The following CSMD1 variants were observed in gnomAD, a reference collection of about 807,000 sequenced individuals.
CSMD1 encodes the protein CUB and Sushi multiple domains 1, also known as CUB and sushi domain-containing protein 1.
A neutral mutation model predicts 417.5 loss-of-function variants in CSMD1; 213 were observed. The ratio of observed to expected loss-of-function variants is 0.51; its 90% confidence interval spans 0.46 to 0.57. The LOEUF is 0.57. Among genes scored for constraint, CSMD1 ranks in the 20% least tolerant of loss-of-function variants. The pLI, the probability that CSMD1 is intolerant of heterozygous loss-of-function variation, is 0.00. For missense variants in CSMD1, 6,923 were observed against 4,529.7 expected (o/e 1.53, Z -15.17); for synonymous variants, 2,862 against 1,736.8 (o/e 1.65, Z -16.11).
chr8:3,962,008 T>A (rs1368719651), intron 5 of CSMD1, among the ~76,000 whole-genome samples: 3 of 152,168 alleles, frequency 2.0e-5, no homozygotes, highest in African/African-American at 7.2e-5. Flanking sequence ...AAGACATGCG[T>A]GCTTGTGTCA....
intron 23 of CSMD1, 99 bp from the exon 24 acceptor site, chr8:3,308,602 G>GGT (rs1292249572): frequency 1.1e-6 from 1 of 896,406 alleles, no homozygotes; most frequent in Non-Finnish European, 1.7e-6. Context: ...CTCCTTGAAG[G>GGT]GTAGGGAGAA....
intron 2 of CSMD1, among the ~76,000 whole-genome samples, chr8:4,539,144 G>C (rs1056284812): frequency 6.6e-6 from 1 of 152,100 alleles, no homozygotes; most frequent in African/African-American, 2.4e-5. Context: ...GCTAAAAATG[G>C]ATTTTTTTGT....
intron 51 of CSMD1, among the ~76,000 whole-genome samples, chr8:3,024,140 T>C (rs542938856): frequency 6.6e-6 from 1 of 152,178 alleles, no homozygotes; most frequent in South Asian, 2.1e-4. Context: ...GTGGTGTGTG[T>C]GTGTGTGTAT....
chr8:3,981,872 T>C (rs1813898025), intron 5 of CSMD1, among the ~76,000 whole-genome samples: 1 of 152,088 alleles, frequency 6.6e-6, no homozygotes, highest in South Asian at 2.1e-4. Context: ...TGCAGCTTTA[T>C]CTGTGAAGTT....
chr8:2,954,163 G>A (rs768053902), intron 65 of CSMD1, 61 bp downstream of exon 65: 3 of 898,098 alleles, frequency 3.3e-6, no homozygotes, highest in South Asian at 1.7e-5. Context: ...GTTTCACTGT[G>A]CAGAGTAGAG....
chr8:4,684,521 G>T (rs999458303), intron 1 of CSMD1, among the ~76,000 whole-genome samples: 2 of 152,054 alleles, frequency 1.3e-5, no homozygotes, highest in East Asian at 1.9e-4. Context: ...ATAAATCTCT[G>T]TTTTCAAAAA....
rs555893740 is a variant in CSMD1 at position 3,888,072 on chromosome 8, C to G, written c.818+109831G>C. On this transcript the variant is annotated intron_variant, in intron 5 of 69. Transcript: ENST00000635120. ...ATTGGAAAATACTGTACAGTTATCACTTTTCTGCAATATCATTAATTAAAA... is the reference window on the plus strand; with the variant it reads ...ATTGGAAAATACTGTACAGTTATCAGTTTTCTGCAATATCATTAATTAAAA... 2.6e-5 allele frequency among the ~76,000 whole-genome samples: 4 copies of G among 152,306 alleles called. No homozygotes were observed. The East Asian group carries it at 7.7e-4, about 29-fold the overall frequency.
At chr8:4,355,732 T>C (rs1011621241) in intron 3 of CSMD1, among the ~76,000 whole-genome samples, 6 of 152,190 alleles carry the variant, frequency 3.9e-5, no homozygotes, top group African/African-American at 1.4e-4. Context: ...GCATCTTTAT[T>C]CATTTTCCCC....
chr8:4,400,790 CTA>C (rs1423248476), intron 3 of CSMD1, among the ~76,000 whole-genome samples: 1 of 136,928 alleles, frequency 7.3e-6, no homozygotes, highest in Non-Finnish European at 1.5e-5. Flanking sequence ...TTTTAAAAAA[CTA>C]TTGATGAGCT....
At chr8:4,340,487 A>G (rs986827468) in intron 3 of CSMD1, among the ~76,000 whole-genome samples, 1 of 152,088 alleles carries the variant, frequency 6.6e-6, no homozygotes, top group Non-Finnish European at 1.5e-5. Context: ...TGAACTCCTC[A>G]TGGTCGAGTC....
chr8:4,520,259 G>A (rs1448960049), intron 2 of CSMD1, among the ~76,000 whole-genome samples: 1 of 152,068 alleles, frequency 6.6e-6, no homozygotes, highest in African/African-American at 2.4e-5. Flanking sequence ...ATTTCACATG[G>A]ACATAGTTGC....
chr8:4,390,234 T>G (rs1394255133), intron 3 of CSMD1, among the ~76,000 whole-genome samples: 1 of 152,170 alleles, frequency 6.6e-6, no homozygotes, highest in Non-Finnish European at 1.5e-5. Context: ...CTTTTGTGCC[T>G]TCTTCTTGGG....
At chr8:4,101,442 T>C (rs981584225) in intron 3 of CSMD1, among the ~76,000 whole-genome samples, 2 of 152,146 alleles carry the variant, frequency 1.3e-5, no homozygotes, top group Non-Finnish European at 2.9e-5. Context: ...ACAGTTACCC[T>C]TGTGCTCTGA....
At chr8:4,520,347 T>C (rs1001892061) in intron 2 of CSMD1, among the ~76,000 whole-genome samples, 3 of 152,188 alleles carry the variant, frequency 2.0e-5, no homozygotes, top group Admixed American at 1.3e-4. Flanking sequence ...ATGAATTTGG[T>C]ATTACACTTC....
At chr8:4,252,180 G>A (rs573772076) in intron 3 of CSMD1, among the ~76,000 whole-genome samples, 1 of 152,118 alleles carries the variant, frequency 6.6e-6, no homozygotes. Context: ...CTGGGGTGGG[G>A]AGATGGATAA....
intron 1 of CSMD1, among the ~76,000 whole-genome samples, chr8:4,797,499 C>A (rs1300617795): frequency 6.6e-6 from 1 of 152,110 alleles, no homozygotes; most frequent in Non-Finnish European, 1.5e-5. Context: ...TGGTCTTTGC[C>A]AGCACTTTTA....
chr8:4,534,906 G>A (rs760770302), intron 2 of CSMD1, among the ~76,000 whole-genome samples: 7 of 152,104 alleles, frequency 4.6e-5, no homozygotes, highest in Non-Finnish European at 8.8e-5. Flanking sequence ...GGGACTACAG[G>A]TGCCTGCCAC....
At chr8:3,872,729 G>T (rs964161883) in intron 5 of CSMD1, among the ~76,000 whole-genome samples, 7 of 151,390 alleles carry the variant, frequency 4.6e-5, no homozygotes, top group South Asian at 2.1e-4. Context: ...TTAACAGAGT[G>T]AACAGATAAC....
At chr8:3,977,939 G>A (rs575225596) in intron 5 of CSMD1, among the ~76,000 whole-genome samples, 2 of 152,300 alleles carry the variant, frequency 1.3e-5, no homozygotes, top group South Asian at 2.1e-4. Context: ...GCCATGGAGA[G>A]GTCATGTGCA....
Sources: gnomAD v4.1 joint callset for allele counts (sites outside exome capture counted in the v4.1 genomes callset) on GRCh38, gnomAD v4.1.1 for gene constraint, MANE v1.5 for transcripts, NCBI Gene and HGNC (gene_info 2026-07-23, HGNC 2026-07-21) for gene names.